RBFOX1: variants seen among roughly 807,000 people sequenced by gnomAD.
The protein encoded by RBFOX1 is RNA binding fox-1 homolog 1.
In RBFOX1, 8 loss-of-function variants were observed where a neutral mutation model predicts 57.7. That is an observed-to-expected ratio of 0.14 (90% CI 0.08 to 0.25). The LOEUF is 0.25. Ranked by LOEUF, RBFOX1 falls within the 10% of genes least tolerant of loss-of-function variation. The probability of loss-of-function intolerance (pLI) is 1.00; values close to 1 mark genes in which losing one functional copy is unlikely to be tolerated. For missense variants in RBFOX1, 611 were observed against 548.5 expected (o/e 1.11, Z -1.14); for synonymous variants, 326 against 222.4 (o/e 1.47, Z -4.15).
intron 3 of RBFOX1, among the ~76,000 whole-genome samples, chr16:6,824,103 C>T (rs1390781324): frequency 6.6e-6 from 1 of 152,128 alleles, no homozygotes; most frequent in Non-Finnish European, 1.5e-5. Context: ...GAGGAGTTTC[C>T]AGAATGTAAA....
At chr16:7,394,848 C>T (rs1022336859) in intron 4 of RBFOX1, among the ~76,000 whole-genome samples, 1 of 152,184 alleles carries the variant, frequency 6.6e-6, no homozygotes, top group Non-Finnish European at 1.5e-5. Context: ...GTTTTTCAAT[C>T]CGTCTACTTC....
At chr16:7,587,105 A>C in intron 6 of RBFOX1, 142 bp from the exon 7 acceptor site, 1 of 1,083,870 alleles carries the variant, frequency 9.2e-7, no homozygotes, top group Non-Finnish European at 1.2e-6. Context: ...TCTTGTTTCA[A>C]GCACATTAAC....
At chr16:6,873,492 C>A (rs1386606541) in intron 3 of RBFOX1, among the ~76,000 whole-genome samples, 3 of 152,244 alleles carry the variant, frequency 2.0e-5, no homozygotes, top group African/African-American at 4.8e-5. Context: ...CATAAAACTT[C>A]CTCAAGGCTA....
chr16:6,226,227 G>T (rs2097416604), intron 1 of RBFOX1, among the ~76,000 whole-genome samples: 1 of 145,966 alleles, frequency 6.9e-6, no homozygotes, highest in Non-Finnish European at 1.5e-5. Context: ...AAAAAAATTA[G>T]CTGGGCATGG....
chr16:5,808,345 G>C (rs1265068166), intron 3 of RBFOX1, among the ~76,000 whole-genome samples: 1 of 152,190 alleles, frequency 6.6e-6, no homozygotes, highest in Non-Finnish European at 1.5e-5. Flanking sequence ...TTTGAAGTCA[G>C]GTAGCTTGAT....
chr16:7,130,928 C>T (rs1249583438), intron 4 of RBFOX1, among the ~76,000 whole-genome samples: 1 of 152,176 alleles, frequency 6.6e-6, no homozygotes, highest in Non-Finnish European at 1.5e-5. Context: ...GTTTTATCAT[C>T]AGTCCTGGAT....
chr16:6,584,429 A>G (rs2153978920), intron 2 of RBFOX1, among the ~76,000 whole-genome samples: 1 of 150,884 alleles, frequency 6.6e-6, no homozygotes, highest in African/African-American at 2.4e-5. Flanking sequence ...GTGCAGTGGC[A>G]TGATCTTAGC....
chr16:7,224,827 G>A (rs768623678), intron 4 of RBFOX1, among the ~76,000 whole-genome samples: 4 of 152,102 alleles, frequency 2.6e-5, no homozygotes, highest in Non-Finnish European at 4.4e-5. Flanking sequence ...TAGAAATGCA[G>A]ACTGTTATGT....
intron 4 of RBFOX1, among the ~76,000 whole-genome samples, chr16:7,407,711 T>C (rs898980749): frequency 2.0e-5 from 3 of 152,226 alleles, no homozygotes; most frequent in African/African-American, 4.8e-5. Flanking sequence ...CTGGTTGATA[T>C]GCAGAATAAT....
intron 3 of RBFOX1, among the ~76,000 whole-genome samples, chr16:7,031,813 C>G (rs965612301): frequency 6.6e-6 from 1 of 152,176 alleles, no homozygotes; most frequent in Admixed American, 6.5e-5. Context: ...TGGGGCCTGG[C>G]TCACATGTAA....
chr16:7,694,632 T>C (rs1230465281), intron 14 of RBFOX1, among the ~76,000 whole-genome samples: 2 of 152,238 alleles, frequency 1.3e-5, no homozygotes, highest in African/African-American at 2.4e-5. Context: ...GTATCTCTGC[T>C]TCTCATTGTG....
chr16:7,589,189 G>T (rs1406470411), intron 7 of RBFOX1, among the ~76,000 whole-genome samples: 5 of 152,172 alleles, frequency 3.3e-5, no homozygotes, highest in African/African-American at 7.2e-5. Flanking sequence ...GACCAACTTC[G>T]TTCTGACCCT....
chr16:5,652,270 A>G (rs1246424211), intron 3 of RBFOX1, among the ~76,000 whole-genome samples: 1 of 152,202 alleles, frequency 6.6e-6, no homozygotes, highest in Non-Finnish European at 1.5e-5. Flanking sequence ...AAACTACCTT[A>G]TAGGGTAGCT....
intron 2 of RBFOX1, among the ~76,000 whole-genome samples, chr16:6,454,968 T>C (rs4366711): frequency 0.81 from 111,703 of 137,528 alleles, 45,731 homozygotes; most frequent in Middle Eastern, 0.88. Context: ...CTGCAACCTC[T>C]GCCTCCCAGG....
chr16:6,414,880 G>A (rs959116257), intron 2 of RBFOX1, among the ~76,000 whole-genome samples: 4 of 152,150 alleles, frequency 2.6e-5, no homozygotes, highest in African/African-American at 9.7e-5. Context: ...CAAGGATATA[G>A]TCAGACATCC....
intron 3 of RBFOX1, among the ~76,000 whole-genome samples, chr16:6,929,467 T>C (rs1351824793): frequency 6.6e-6 from 1 of 152,144 alleles, no homozygotes; most frequent in Non-Finnish European, 1.5e-5. Flanking sequence ...TGCTTTTCTG[T>C]ATTCTAAGCA....
chr16:5,838,448 T>G (rs894851236), intron 3 of RBFOX1: 1 of 156,156 alleles, frequency 6.4e-6, no homozygotes, highest in African/African-American at 2.4e-5. Flanking sequence ...CACTGGTAAA[T>G]ACAATCATAT....
At chr16:5,725,677 C>G (rs1318364798) in intron 3 of RBFOX1, among the ~76,000 whole-genome samples, 5 of 151,690 alleles carry the variant, frequency 3.3e-5, no homozygotes, top group Admixed American at 3.3e-4. Flanking sequence ...AGAGAGGTAA[C>G]TTGAGGTCCA....
chr16:7,226,867 C>A (rs184069317), intron 4 of RBFOX1, among the ~76,000 whole-genome samples: 51 of 152,260 alleles, frequency 3.3e-4, no homozygotes, highest in Non-Finnish European at 4.7e-4. Flanking sequence ...GGCTCACAGG[C>A]AAATGGACTT....
Sources: allele counts gnomAD v4.1 joint callset (sites outside exome capture counted in the v4.1 genomes callset), GRCh38; gene constraint gnomAD v4.1.1; transcripts MANE v1.5; gene names NCBI Gene and HGNC (gene_info 2026-07-23, HGNC 2026-07-21).